The following SULF2 variants were observed in gnomAD, a reference collection of about 807,000 sequenced individuals.
The protein encoded by SULF2 is sulfatase 2, also known as extracellular sulfatase Sulf-2.
Under a neutral mutation model 107.7 loss-of-function variants are expected in SULF2, and 52 were observed. The ratio of observed to expected loss-of-function variants is 0.48; its 90% CI spans 0.39 to 0.61. The LOEUF is 0.61. Ranked by LOEUF, SULF2 falls within the 20% of genes least tolerant of loss-of-function variation. The pLI is 0.00. For synonymous variants in SULF2, 460 were observed against 464.3 expected, an observed-to-expected ratio of 0.99 and a Z score of 0.12; for missense variants, 993 against 1,177.3, an observed-to-expected ratio of 0.84 and a Z score of 2.29.
intron 3 of SULF2, among the ~76,000 whole-genome samples, chr20:47,722,448 G>C (rs767536223): frequency 6.6e-6 from 1 of 151,878 alleles, no homozygotes; most frequent in Non-Finnish European, 1.5e-5. Context: ...TATTTGTAGA[G>C]ACAGGGTCTC....
chr20:47,666,527 G>T lies in SULF2; in HGVS notation c.1577-39C>A. 6.4e-7 allele frequency: 1 copy of T among 1,558,966 alleles called. No individual in the cohort carries two copies. The highest frequency in any genetic ancestry group is 1.1e-5 in the South Asian group (1 of 88,576). On this transcript the variant is annotated intron_variant, in intron 11 of 20. Coordinates refer to ENST00000688720, the MANE Select transcript of SULF2 (RefSeq NM_001387048.1). This position sits in a 1 kb window ranked among gnomAD's most constrained non-coding sequence, Gnocchi z 5.4. Reference sequence around the variant, plus strand: ...AGGAGTGGCAGAGTTAGGGAGGCAGGAAAGGCTGGCCAGGCTCCCAGGGCA... The same window carrying T: ...AGGAGTGGCAGAGTTAGGGAGGCAGTAAAGGCTGGCCAGGCTCCCAGGGCA...
At chr20:47,677,391 C>A (rs2087680412) in intron 8 of SULF2, among the ~76,000 whole-genome samples, 4 of 147,950 alleles carry the variant, frequency 2.7e-5, no homozygotes, top group African/African-American at 1.0e-4. Flanking sequence ...GTAAGTCCCA[C>A]CCAAGTAACT....
chr20:47,682,993 C>A lies in SULF2; in HGVS notation c.1064+1G>T. The A allele has an allele frequency of 6.2e-7, 1 of 1,602,726 alleles. No homozygotes were observed. Among genetic ancestry groups the A allele is most frequent in the South Asian group, 1.1e-5 (1 of 89,484 alleles). On this transcript the variant is annotated splice_donor_variant, in intron 7 of 20. Transcript: ENST00000688720. LOFTEE classifies it high-confidence loss of function. Reference sequence around the variant, plus strand: ...GGGTCCCTGGGGGATGACACACTTACAGACAGCCGGCTTCCACGTTGGGGC... The same window carrying A: ...GGGTCCCTGGGGGATGACACACTTAAAGACAGCCGGCTTCCACGTTGGGGC...
chr20:47,720,544 T>A (rs2089262025), intron 3 of SULF2, among the ~76,000 whole-genome samples: 1 of 130,266 alleles, frequency 7.7e-6, no homozygotes, highest in Admixed American at 7.9e-5. Flanking sequence ...AGGCCTATCA[T>A]AATCTTTTTT....
Position 47,680,488 on chromosome 20 carries a change from T to TG in SULF2, c.1065-1685dup, listed in dbSNP as rs2087788024. Among the ~76,000 whole-genome samples the TG allele has an allele frequency of 6.6e-6, 1 of 152,218 alleles. No homozygotes were observed. Among genetic ancestry groups the TG allele is most frequent in the South Asian group, 2.1e-4 (1 of 4,836 alleles). On this transcript the variant is annotated intron_variant, in intron 7 of 20. Transcript: ENST00000688720. This position sits in a 1 kb window ranked among gnomAD's most constrained non-coding sequence, Gnocchi z 4.2. ...ACAGGACCCAGGACCTGTTGAATGG[T>TG]GGACAGTCCCGTCAGAGCATCTGAG... is the stretch of plus-strand genomic sequence containing the variant.
At chr20:47,761,181 C>T (rs1298606946) in intron 1 of SULF2, among the ~76,000 whole-genome samples, 2 of 152,212 alleles carry the variant, frequency 1.3e-5, no homozygotes, top group Non-Finnish European at 2.9e-5. Flanking sequence ...CTTCAACCTC[C>T]ACCAAGGCTC....
At chr20:47,662,852 C>CGCAGGGTGATGGAGGCAAAAA (rs1555823218) in intron 17 of SULF2, among the ~76,000 whole-genome samples, 3,362 of 148,390 alleles carry the variant, frequency 0.023, 105 homozygotes, top group Middle Eastern at 0.053. Flanking sequence ...ATATTACACA[C>CGCAGGGTGATGGAGGCAAAAA]GCAGGGTGAT....
chr20:47,761,769 A>G (rs1415047052), intron 1 of SULF2, among the ~76,000 whole-genome samples: 3 of 152,122 alleles, frequency 2.0e-5, no homozygotes, highest in Admixed American at 6.5e-5. Context: ...ACCACCCCAA[A>G]TCAGAGTAAT....
Position 47,666,119 on chromosome 20 carries a change from A to AAT in SULF2, c.1805+139_1805+140dup, listed in dbSNP as rs2087259019. On this transcript the variant is annotated intron_variant, in intron 12 of 20. Coordinates refer to ENST00000688720, the MANE Select transcript of SULF2 (RefSeq NM_001387048.1). The surrounding 1 kb of genome is among the most constrained non-coding windows in gnomAD (Gnocchi z 5.4). ...GTCACTTTAATGGGGTTGGCGGCTG[A>AAT]ATAGTCGGGAAGGCCTCCAGTGCCA... 6.2e-7 allele frequency: 1 copy of AAT among 1,610,556 alleles called. No homozygotes were observed. The highest frequency in any genetic ancestry group is 8.5e-7 in the Non-Finnish European group (1 of 1,179,366).
intron 5 of SULF2, among the ~76,000 whole-genome samples, chr20:47,687,417 C>T (rs536491796): frequency 2.0e-5 from 3 of 152,300 alleles, no homozygotes; most frequent in South Asian, 2.1e-4. Flanking sequence ...CACAAAAGGG[C>T]GTGAAGAAGA....
At chr20:47,773,936 C>A (rs532539293) in intron 1 of SULF2, among the ~76,000 whole-genome samples, 4 of 152,348 alleles carry the variant, frequency 2.6e-5, no homozygotes, top group African/African-American at 9.6e-5. Flanking sequence ...GGTATTTTGA[C>A]GGCTTGGTAT....
Position 47,657,996 on chromosome 20 carries a change from A to C in SULF2, c.*366T>G, listed in dbSNP as rs759230136. ...ACTGCTTTTCCCCTATGATTTAAAA[A>C]TTCCAATGACTTTCGCCCTTGGGAG... On this transcript the variant is annotated 3_prime_UTR_variant, in exon 21 of 21. Coordinates refer to ENST00000688720, the MANE Select transcript of SULF2 (RefSeq NM_001387048.1). 2 of 283,838 alleles carry C rather than the reference A, an allele frequency of 7.0e-6. No individual in the cohort carries two copies. The highest frequency in any genetic ancestry group is 1.3e-5 in the Non-Finnish European group (2 of 150,044). 17.6% of individuals were successfully genotyped at this position (283,838 alleles called of 1,614,324 possible).
In SULF2 at chr20:47,672,370, G is replaced by A; in HGVS notation, c.1404C>T (p.Ala468=). ...ACTTATGCAGCTTCAGCTTCCCCGT[G>A]GCGTCCTCCACACACTGCCACTTCT... ...LGQKWQCVED[A]TGKLKLHKCK... is the part of the protein sequence containing the mutation. The change falls in exon 11 of 21, where the codon GCC becomes GCT. Residue 468 remains alanine, a synonymous_variant. Transcript: ENST00000688720. The A allele has an allele frequency of 6.2e-7, 1 of 1,611,696 alleles. No homozygotes were observed. The highest frequency in any genetic ancestry group is 1.1e-5 in the South Asian group (1 of 91,048).
At chr20:47,724,606 T>C (rs926266775) in intron 3 of SULF2, among the ~76,000 whole-genome samples, 11 of 152,204 alleles carry the variant, frequency 7.2e-5, no homozygotes, top group Non-Finnish European at 8.8e-5. Context: ...TATGGAGGGC[T>C]CCATCTCTAG....
At chr20:47,767,692 G>A (rs1053784345) in intron 1 of SULF2, among the ~76,000 whole-genome samples, 18 of 152,144 alleles carry the variant, frequency 1.2e-4, no homozygotes, top group South Asian at 2.1e-4. Context: ...GGAGAATGGC[G>A]TGAACCCAGG....
intron 3 of SULF2, among the ~76,000 whole-genome samples, chr20:47,707,640 C>T (rs1281741655): frequency 1.3e-5 from 2 of 152,194 alleles, no homozygotes; most frequent in Non-Finnish European, 2.9e-5. Context: ...CCCCCCAGCA[C>T]TCAATTCCTC....
At chr20:47,748,400 G>A (rs2090092448) in intron 2 of SULF2, among the ~76,000 whole-genome samples, 1 of 152,196 alleles carries the variant, frequency 6.6e-6, no homozygotes, top group African/African-American at 2.4e-5. Context: ...TGCCCTCACT[G>A]GGACCCTTGC....
At position 47,658,074 on chromosome 20, in the gene SULF2, T is replaced by C. The variant is rs2146363989; in HGVS notation, c.*288A>G. On this transcript the variant is annotated 3_prime_UTR_variant, in exon 21 of 21. Transcript: ENST00000688720. ...GCTCTCTCCGTTTTCCTTTGTGAGCTTCTGGGGGAGGGTTAGTGGTGACTT... is the reference window on the plus strand; with the variant it reads ...GCTCTCTCCGTTTTCCTTTGTGAGCCTCTGGGGGAGGGTTAGTGGTGACTT... 4.4e-6 allele frequency: 2 copies of C among 453,546 alleles called. No homozygotes were observed. The highest frequency in any genetic ancestry group is 7.2e-5 in the East Asian group (2 of 27,714). The allele number at this position is 453,546 out of a possible 1,614,324, so 28.1% of individuals were successfully genotyped here. A position where few individuals can be genotyped will look rare whatever the true frequency, so the allele number is the denominator to read the frequency against.
chr20:47,716,909 C>T (rs181134817), intron 3 of SULF2, among the ~76,000 whole-genome samples: 1 of 152,068 alleles, frequency 6.6e-6, no homozygotes, highest in African/African-American at 2.4e-5. Flanking sequence ...ACTCGAGAGG[C>T]TGAGGTGGCA....
Sources: allele counts gnomAD v4.1 joint callset (sites outside exome capture counted in the v4.1 genomes callset), GRCh38; gene constraint gnomAD v4.1.1; non-coding constraint Gnocchi (gnomAD v3.1); transcripts MANE v1.5; gene names NCBI Gene and HGNC (gene_info 2026-07-23, HGNC 2026-07-21).